RTN1: variants seen among roughly 807,000 people sequenced by gnomAD.
RTN1 encodes reticulon 1.
RTN1 carries 25 observed loss-of-function variants against 65.5 expected under a neutral mutation model. That is an observed-to-expected ratio of 0.38 (90% confidence interval 0.28 to 0.53). RTN1 has a LOEUF of 0.53. RTN1 is among the 20% of genes least tolerant of loss of function. RTN1 has a pLI of 0.79. For missense variants in RTN1, 983 were observed against 1,025.4 expected (o/e 0.96, Z 0.57); for synonymous variants, 471 against 447.6 (o/e 1.05, Z -0.66).
rs974242807 is a variant in RTN1, at chr14:59,794,963, T to C, written c.242-48482A>G. Among the ~76,000 whole-genome samples, 3 of 152,242 alleles carry C rather than the reference T, an allele frequency of 2.0e-5. No individual in the cohort carries two copies. Among genetic ancestry groups the C allele is most frequent in the African/African-American group, 7.2e-5 (3 of 41,462 alleles). On this transcript the variant is annotated intron_variant, in intron 1 of 8. Transcript: ENST00000267484. The surrounding 1 kb of genome is among the most constrained non-coding windows in gnomAD (Gnocchi z 5.1). ...CTAGCAGCTTATGTACCTTGAACTT[T>C]ACACAGATTGTTTGATTTGGGTGCA...
intron 3 of RTN1, among the ~76,000 whole-genome samples, chr14:59,725,608 C>A (rs1045671025): frequency 5.9e-5 from 9 of 152,196 alleles, no homozygotes; most frequent in Non-Finnish European, 1.3e-4. Context: ...ACTAAATATG[C>A]TTTCAGCTCT....
intron 3 of RTN1, among the ~76,000 whole-genome samples, chr14:59,613,946 C>T (rs532274466): frequency 1.0e-3 from 155 of 152,120 alleles, no homozygotes; most frequent in African/African-American, 3.4e-3. Context: ...GAAATTACTT[C>T]GTATTATGAT....
At chr14:59,848,522 A>G (rs1482216893) in intron 1 of RTN1, among the ~76,000 whole-genome samples, 1 of 152,224 alleles carries the variant, frequency 6.6e-6, no homozygotes, top group Non-Finnish European at 1.5e-5. Flanking sequence ...TTTGCTGATT[A>G]TTCTTATAAC....
intron 1 of RTN1, among the ~76,000 whole-genome samples, chr14:59,780,842 T>C (rs1318712162): frequency 2.0e-5 from 3 of 152,184 alleles, no homozygotes; most frequent in African/African-American, 4.8e-5. Context: ...ATTTATTCAC[T>C]GCATCTGCAC....
intron 1 of RTN1, among the ~76,000 whole-genome samples, chr14:59,799,138 A>C: frequency 6.6e-6 from 1 of 152,228 alleles, no homozygotes; most frequent in Non-Finnish European, 1.5e-5. Context: ...TTAGGGTATT[A>C]CCTCGTGATT....
At chr14:59,607,183 G>T in intron 4 of RTN1, 102 bp downstream of exon 4, 2 of 961,756 alleles carry the variant, frequency 2.1e-6, no homozygotes, top group East Asian at 2.6e-5. Flanking sequence ...AGGTCTGTTG[G>T]GTCTCAGAGA....
chr14:59,782,614 TAAGAGCCAATA>T (rs977879769), intron 1 of RTN1, among the ~76,000 whole-genome samples: 1 of 152,170 alleles, frequency 6.6e-6, no homozygotes, highest in Non-Finnish European at 1.5e-5. Flanking sequence ...AATTAATTAT[TAAGAGCCAATA>T]AAGAGCCAAA....
At chr14:59,647,241 G>C (rs1026600719) in intron 3 of RTN1, among the ~76,000 whole-genome samples, 1 of 152,142 alleles carries the variant, frequency 6.6e-6, no homozygotes, top group Non-Finnish European at 1.5e-5. Context: ...AATTCAACAA[G>C]AAAACCTAAC....
At chr14:59,809,028 G>A (rs1218369230) in intron 1 of RTN1, among the ~76,000 whole-genome samples, 1 of 152,022 alleles carries the variant, frequency 6.6e-6, no homozygotes, top group African/African-American at 2.4e-5. Context: ...ATTTGAGAAC[G>A]GGCTAACAAA....
At chr14:59,714,286 A>AACATACAT (rs1884487242) in intron 3 of RTN1, among the ~76,000 whole-genome samples, 1 of 152,140 alleles carries the variant, frequency 6.6e-6, no homozygotes, top group Non-Finnish European at 1.5e-5. Flanking sequence ...CATGTGCCAC[A>AACATACAT]ACATACATTC....
At chr14:59,713,556 G>C (rs531079384) in intron 3 of RTN1, among the ~76,000 whole-genome samples, 2 of 152,244 alleles carry the variant, frequency 1.3e-5, no homozygotes, top group East Asian at 3.9e-4. Context: ...TGGGTCCTTG[G>C]ACTAAGGAAA....
intron 8 of RTN1, among the ~76,000 whole-genome samples, chr14:59,599,003 T>C (rs1022989394): frequency 2.0e-5 from 3 of 152,222 alleles, no homozygotes; most frequent in African/African-American, 7.2e-5. Flanking sequence ...AGATATGGGA[T>C]GGCCAATATG....
intron 1 of RTN1, among the ~76,000 whole-genome samples, chr14:59,809,763 C>A (rs1022235584): frequency 1.3e-5 from 2 of 152,142 alleles, no homozygotes; most frequent in African/African-American, 4.8e-5. Context: ...AGCAGCTGAA[C>A]AAAGGCTGAG....
intron 1 of RTN1, among the ~76,000 whole-genome samples, chr14:59,754,148 T>C (rs180902428): frequency 1.4e-4 from 22 of 152,250 alleles, no homozygotes; most frequent in Admixed American, 8.5e-4. Context: ...AGTCAAAACC[T>C]AAGTAGGAGA....
intron 3 of RTN1, among the ~76,000 whole-genome samples, chr14:59,660,214 A>G (rs1397599924): frequency 6.6e-6 from 1 of 152,216 alleles, no homozygotes; most frequent in Non-Finnish European, 1.5e-5. Flanking sequence ...TATGCACCCA[A>G]TACAAGAGCA....
At chr14:59,720,389 C>T (rs1884622300) in intron 3 of RTN1, among the ~76,000 whole-genome samples, 1 of 152,180 alleles carries the variant, frequency 6.6e-6, no homozygotes, top group African/African-American at 2.4e-5. Context: ...CCTTCTATCA[C>T]TGGGCAAAGT....
intron 4 of RTN1, among the ~76,000 whole-genome samples, chr14:59,606,971 A>G (rs1881779083): frequency 6.6e-6 from 1 of 152,216 alleles, no homozygotes; most frequent in African/African-American, 2.4e-5. Context: ...CCACCTGTAA[A>G]TAGGGACAAA....
In RTN1 at chr14:59,596,277, A is replaced by C. The variant is rs1350340022; in HGVS notation, c.*468T>G. ...TATTTTTACGTTGTGTGTGTTGGAAAAATGCTAAAACATCAGTCTACAATT... is the reference window on the plus strand; with the variant it reads ...TATTTTTACGTTGTGTGTGTTGGAACAATGCTAAAACATCAGTCTACAATT... On this transcript the variant is annotated 3_prime_UTR_variant, in exon 9 of 9. Transcript: ENST00000267484. 1 of 152,876 alleles carries C rather than the reference A, an allele frequency of 6.5e-6. No individual in the cohort carries two copies. Among genetic ancestry groups the C allele is most frequent in the Non-Finnish European group, 1.5e-5 (1 of 68,218 alleles). The allele number at this position is 152,876 out of a possible 1,614,324, so 9.5% of individuals were successfully genotyped here.
chr14:59,793,556 G>A (rs1886386461), intron 1 of RTN1, among the ~76,000 whole-genome samples: 1 of 151,910 alleles, frequency 6.6e-6, no homozygotes, highest in Admixed American at 6.6e-5. Flanking sequence ...GTGTATGTGT[G>A]TGTTTCATTC....
Sources: allele counts gnomAD v4.1 joint callset (sites outside exome capture counted in the v4.1 genomes callset), GRCh38; gene constraint gnomAD v4.1.1; non-coding constraint Gnocchi (gnomAD v3.1); transcripts MANE v1.5; gene names NCBI Gene and HGNC (gene_info 2026-07-23, HGNC 2026-07-21).